TOR1AIP2: variants seen among roughly 807,000 people sequenced by gnomAD.
The protein encoded by TOR1AIP2 is torsin-1A-interacting protein 2.
In TOR1AIP2, 20 loss-of-function variants were observed where a neutral mutation model predicts 32.6. The observed-to-expected ratio is 0.61, with a 90% confidence interval of 0.43 to 0.89. The LOEUF is 0.89. TOR1AIP2 is among the 40% of genes least tolerant of loss of function. The pLI is 0.00. For synonymous variants in TOR1AIP2, 214 were observed against 210.8 expected (o/e 1.02, Z -0.13); for missense variants, 456 against 553.8 (o/e 0.82, Z 1.77).
At chr1:179,857,332 TTTAG>T (rs1696341786) in intron 3 of TOR1AIP2, among the ~76,000 whole-genome samples, 1 of 152,270 alleles carries the variant, frequency 6.6e-6, no homozygotes, top group African/African-American at 2.4e-5. Flanking sequence ...ATCATTTTGC[TTTAG>T]TTGTCTCCAT....
intron 3 of TOR1AIP2, chr1:179,862,534 C>T (rs2148444612): frequency 7.1e-6 from 7 of 985,440 alleles, no homozygotes; most frequent in East Asian, 1.1e-4. Flanking sequence ...CTCTGGGGTA[C>T]ATTCTTCATA....
chr1:179,858,582 T>C (rs985217391), intron 3 of TOR1AIP2, among the ~76,000 whole-genome samples: 1 of 152,190 alleles, frequency 6.6e-6, no homozygotes, highest in Non-Finnish European at 1.5e-5. Flanking sequence ...AATCAGTCTC[T>C]GTAAAAAAAA....
rs1003875114 is a variant in TOR1AIP2, at chr1:179,844,843, T to C, written c.*1228A>G. On this transcript the variant is annotated 3_prime_UTR_variant, in exon 7 of 7. Coordinates refer to ENST00000609928, the MANE Select transcript of TOR1AIP2 (RefSeq NM_001199260.2). The stretch of plus-strand genomic sequence containing the variant: ...TGCCAAATGTTCATATAAAATTTAC[T>C]ATTAAATTGGTTATTCAAAAATAAA... 37 of 152,234 alleles carry C rather than the reference T, an allele frequency of 2.4e-4. No homozygotes were observed. The highest frequency in any genetic ancestry group is 8.2e-4 in the African/African-American group (34 of 41,468). 9.4% of individuals were successfully genotyped at this position (152,234 alleles called of 1,614,324 possible).
Position 179,842,728 on chromosome 1 carries a change from CAAAAG to C in TOR1AIP2, c.*3338_*3342del, listed in dbSNP as rs1695757878. 6.6e-6 allele frequency: 1 copy of C among 152,106 alleles called. No homozygotes were observed. The highest frequency in any genetic ancestry group is 1.5e-5 in the Non-Finnish European group (1 of 68,020). The allele number at this position is 152,106 out of a possible 1,614,324, so 9.4% of individuals were successfully genotyped here. On this transcript the variant is annotated 3_prime_UTR_variant, in exon 7 of 7. Coordinates refer to ENST00000609928, the MANE Select transcript of TOR1AIP2 (RefSeq NM_001199260.2). ...AATAAAAGACGAATTACTAGACACACAAAAGAAAATCTGAAACCTTAAAAAATGTC... is the reference window on the plus strand; with the variant it reads ...AATAAAAGACGAATTACTAGACACACAAAATCTGAAACCTTAAAAAATGTC...
intron 3 of TOR1AIP2, chr1:179,861,239 CAATT>C (rs1217350126): frequency 3.0e-6 from 3 of 985,222 alleles, no homozygotes; most frequent in Non-Finnish European, 3.6e-6. Context: ...TTTGTCATTA[CAATT>C]AATTTTACCA....
At chr1:179,862,610 C>T (rs1430536205) in intron 3 of TOR1AIP2, 1 of 985,280 alleles carries the variant, frequency 1.0e-6, no homozygotes, top group Non-Finnish European at 1.2e-6. Flanking sequence ...CACCAACAGC[C>T]ATTCATTCCT....
intron 3 of TOR1AIP2, among the ~76,000 whole-genome samples, chr1:179,857,620 G>A (rs1388609689): frequency 6.6e-6 from 1 of 152,156 alleles, no homozygotes; most frequent in African/African-American, 2.4e-5. Context: ...AGGTGACATT[G>A]TGTGGTATAC....
At chr1:179,855,361 T>C (rs556558918) in intron 3 of TOR1AIP2, among the ~76,000 whole-genome samples, 19 of 151,984 alleles carry the variant, frequency 1.3e-4, no homozygotes, top group Admixed American at 9.2e-4. Flanking sequence ...CATAAAGAAT[T>C]CCACAAATCA....
intron 3 of TOR1AIP2, chr1:179,858,887 G>C (rs1339766926): frequency 1.1e-5 from 4 of 366,030 alleles, no homozygotes; most frequent in African/African-American, 2.2e-5. Context: ...AGGCAGGGTA[G>C]GTATCAGGAA....
intron 3 of TOR1AIP2, chr1:179,860,367 A>G: frequency 2.6e-6 from 2 of 781,914 alleles, no homozygotes; most frequent in South Asian, 1.2e-4. Context: ...CTGTAGTCAC[A>G]GCTACTTAGG....
chr1:179,865,379 C>T (rs956151310), intron 3 of TOR1AIP2, 57 bp downstream of exon 3: 2 of 613,472 alleles, frequency 3.3e-6, no homozygotes, highest in Non-Finnish European at 5.6e-6. Context: ...CACTCAATTG[C>T]AACTCAGTCT....
At chr1:179,875,564 T>C (rs1375045567) in intron 2 of TOR1AIP2, 1 of 152,202 alleles carries the variant, frequency 6.6e-6, no homozygotes, top group Non-Finnish European at 1.5e-5. Context: ...TACATTTACA[T>C]GATAGATACT....
In TOR1AIP2 at chr1:179,841,381, A is replaced by G. The variant is rs16854828; in HGVS notation, c.*4690T>C. ...GAAGACAATGCTCCTATAAAATGATATATTATTGGCTTTACAAAGACATAC... is the reference window on the plus strand; with the variant it reads ...GAAGACAATGCTCCTATAAAATGATGTATTATTGGCTTTACAAAGACATAC... On this transcript the variant is annotated 3_prime_UTR_variant, in exon 7 of 7. Transcript: ENST00000609928. The G allele has an allele frequency of 1.5e-4, 23 of 152,226 alleles. No individual in the cohort carries two copies. The highest frequency in any genetic ancestry group is 1.2e-4 in the Non-Finnish European group (8 of 68,032). 9.4% of individuals were successfully genotyped at this position (152,226 alleles called of 1,614,324 possible).
intron 5 of TOR1AIP2, among the ~76,000 whole-genome samples, chr1:179,849,768 A>C (rs1487552418): frequency 2.6e-5 from 4 of 152,218 alleles, no homozygotes; most frequent in African/African-American, 9.6e-5. Flanking sequence ...ATAACAGTGA[A>C]ATTCTGACGC....
intron 3 of TOR1AIP2, chr1:179,864,273 C>G (rs1301340060): frequency 2.0e-6 from 2 of 984,974 alleles, no homozygotes; most frequent in Admixed American, 1.2e-4. Context: ...TTTTATCTAT[C>G]TATCTATTTA....
chr1:179,872,067 G>C (rs1697032121), intron 2 of TOR1AIP2, among the ~76,000 whole-genome samples: 1 of 152,174 alleles, frequency 6.6e-6, no homozygotes, highest in East Asian at 1.9e-4. Flanking sequence ...CTTTAGAACA[G>C]AGAAGCCAAA....
At chr1:179,850,473 AAAAAGT>A (rs753431542) in intron 5 of TOR1AIP2, among the ~76,000 whole-genome samples, 7 of 152,388 alleles carry the variant, frequency 4.6e-5, no homozygotes, top group Non-Finnish European at 7.3e-5. Context: ...TTAGTTTCCC[AAAAAGT>A]AAAAGATTTT....
intron 2 of TOR1AIP2, chr1:179,869,241 G>A (rs1340385424): frequency 6.6e-6 from 1 of 152,090 alleles, no homozygotes; most frequent in African/African-American, 2.4e-5. Context: ...CTCCCAAAGT[G>A]CTGGGATTAC....
At position 179,843,372 on chromosome 1, in the gene TOR1AIP2, G is replaced by A. The variant is rs1217735614; in HGVS notation, c.*2699C>T. The A allele has an allele frequency of 1.3e-5, 2 of 151,904 alleles. No homozygotes were observed. Among genetic ancestry groups the A allele is most frequent in the East Asian group, 3.9e-4 (2 of 5,162 alleles). 9.4% of individuals were successfully genotyped at this position (151,904 alleles called of 1,614,324 possible). On this transcript the variant is annotated 3_prime_UTR_variant, in exon 7 of 7. Coordinates refer to ENST00000609928, the MANE Select transcript of TOR1AIP2 (RefSeq NM_001199260.2). ...AATACAATAATTAGCTGGGCATTGT[G>A]GTGCATGCCTGTAATCCCAGCTACT... is the stretch of plus-strand genomic sequence containing the variant.
Sources: gnomAD v4.1 joint callset for allele counts (sites outside exome capture counted in the v4.1 genomes callset) on GRCh38, gnomAD v4.1.1 for gene constraint, MANE v1.5 for transcripts, NCBI Gene and HGNC (gene_info 2026-07-23, HGNC 2026-07-21) for gene names.